The following SULF2 variants were observed in gnomAD, a reference collection of about 807,000 sequenced individuals.
SULF2 encodes sulfatase 2, also known as extracellular sulfatase Sulf-2.
In SULF2, 52 loss-of-function variants were observed where a neutral mutation model predicts 107.7. The observed-to-expected ratio is 0.48, with a 90% CI of 0.39 to 0.61. SULF2 has a LOEUF of 0.61. Ranked by LOEUF, SULF2 falls within the 20% of genes least tolerant of loss-of-function variation. SULF2 has a pLI of 0.00. For missense variants in SULF2, 993 were observed against 1,177.3 expected, an observed-to-expected ratio of 0.84 and a Z score of 2.29; for synonymous variants, 460 against 464.3, an observed-to-expected ratio of 0.99 and a Z score of 0.12.
chr20:47,739,591 C>T (rs2089829681), intron 2 of SULF2, among the ~76,000 whole-genome samples: 1 of 152,214 alleles, frequency 6.6e-6, no homozygotes, highest in African/African-American at 2.4e-5. Context: ...CCACCTCCCG[C>T]AACCCATAGC....
At chr20:47,785,271 T>TCCGGCCGCCGCGAGCCC (rs2090904639) in intron 1 of SULF2, 72 bp downstream of exon 1, 1 of 143,838 alleles carries the variant, frequency 7.0e-6, no homozygotes, top group Non-Finnish European at 1.5e-5. Context: ...CGGGGAAGGC[T>TCCGGCCGCCGCGAGCCC]CCGGCCGCCG....
intron 1 of SULF2, among the ~76,000 whole-genome samples, chr20:47,768,770 G>A (rs941267118): frequency 6.6e-6 from 1 of 152,188 alleles, no homozygotes; most frequent in Admixed American, 6.5e-5. Context: ...CCTGAAGCAG[G>A]CCCTGCTCGG....
intron 3 of SULF2, among the ~76,000 whole-genome samples, chr20:47,717,247 G>A (rs544556959): frequency 6.6e-6 from 1 of 152,308 alleles, no homozygotes; most frequent in South Asian, 2.1e-4. Context: ...ATCCCAGTGA[G>A]GTAGATCCTT....
chr20:47,753,401 T>G (rs1242100800), intron 2 of SULF2, among the ~76,000 whole-genome samples: 1 of 152,220 alleles, frequency 6.6e-6, no homozygotes, highest in Non-Finnish European at 1.5e-5. Flanking sequence ...ATCCTGCTGA[T>G]GAGGCCAAGA....
Position 47,769,582 on chromosome 20 carries a change from C to T in SULF2, c.-100-12119G>A, listed in dbSNP as rs79541422. 5.4e-4 allele frequency among the ~76,000 whole-genome samples: 82 copies of T among 152,246 alleles called. No homozygotes were observed. In the East Asian group the frequency reaches 0.016, roughly 29 times the overall value. On this transcript the variant is annotated intron_variant, in intron 1 of 20. Transcript: ENST00000688720. ...TCTCTTGGTTGCCTGACGCCACGGC[C>T]CCAGCTCCTGGCAGAGCCGAGGTGC...
At position 47,747,018 on chromosome 20, in the gene SULF2, T is replaced by TATATACACAC. The variant is rs1232551264; in HGVS notation, c.176-10077_176-10076insGTGTGTATAT. 1.7e-3 allele frequency among the ~76,000 whole-genome samples: 125 copies of TATATACACAC among 75,072 alleles called. 1 individual carries two copies. The highest frequency in any genetic ancestry group is 4.9e-3 in the African/African-American group (119 of 24,492). 49.3% of individuals were successfully genotyped at this position (75,072 alleles called of 152,430 possible). A position where few individuals can be genotyped will look rare whatever the true frequency, so the allele number is the denominator to read the frequency against. ...AAATATATATATATATATATATATATACACACACACACACATAAAAAGGGA... is the reference window on the plus strand; with the variant it reads ...AAATATATATATATATATATATATATATATACACACACACACACACACACATAAAAAGGGA... On this transcript the variant is annotated intron_variant, in intron 2 of 20. Coordinates refer to ENST00000688720, the MANE Select transcript of SULF2 (RefSeq NM_001387048.1).
Position 47,669,654 on chromosome 20 carries a change from C to T in SULF2, c.1576+2544G>A, listed in dbSNP as rs375972183. Reference sequence around the variant, plus strand: ...GGGGCTGGAGTCCCCAAATCAGCCACGTGACCCAGTCTTTCCTGTCCATCA... The same window carrying T: ...GGGGCTGGAGTCCCCAAATCAGCCATGTGACCCAGTCTTTCCTGTCCATCA... On this transcript the variant is annotated intron_variant, in intron 11 of 20. Coordinates refer to ENST00000688720, the MANE Select transcript of SULF2 (RefSeq NM_001387048.1). 5.3e-5 allele frequency among the ~76,000 whole-genome samples: 8 copies of T among 152,148 alleles called. No individual in the cohort carries two copies. In the East Asian group the frequency reaches 5.8e-4, roughly 11 times the overall value.
intron 3 of SULF2, among the ~76,000 whole-genome samples, chr20:47,709,140 T>C (rs996452257): frequency 6.6e-6 from 1 of 152,270 alleles, no homozygotes; most frequent in South Asian, 2.1e-4. Flanking sequence ...GCCAAGAGAA[T>C]GAGCTGGAAT....
At chr20:47,722,522 G>A (rs569514038) in intron 3 of SULF2, among the ~76,000 whole-genome samples, 2 of 152,126 alleles carry the variant, frequency 1.3e-5, no homozygotes, top group South Asian at 2.1e-4. Flanking sequence ...ACAGCCTCCC[G>A]AAGTGCTGGG....
chr20:47,664,941 C>T (rs1568781879), intron 14 of SULF2, among the ~76,000 whole-genome samples: 1 of 152,236 alleles, frequency 6.6e-6, no homozygotes. Context: ...ACTTTTCCGG[C>T]CTGGAGCCGG....
At chr20:47,740,818 C>T (rs562849895) in intron 2 of SULF2, among the ~76,000 whole-genome samples, 2 of 152,232 alleles carry the variant, frequency 1.3e-5, no homozygotes, top group Admixed American at 6.5e-5. Context: ...ACCCTGACAT[C>T]CATTGATGTC....
chr20:47,722,245 C>T (rs1439427709), intron 3 of SULF2, among the ~76,000 whole-genome samples: 1 of 152,092 alleles, frequency 6.6e-6, no homozygotes, highest in African/African-American at 2.4e-5. Flanking sequence ...AGCCTAAGGC[C>T]CAAGAGTTCT....
At chr20:47,772,198 C>T (rs148180220) in intron 1 of SULF2, among the ~76,000 whole-genome samples, 1 of 152,240 alleles carries the variant, frequency 6.6e-6, no homozygotes. Context: ...GGAACCAGCA[C>T]CCATTGCCAT....
chr20:47,697,670 G>C (rs1031545652), intron 4 of SULF2, among the ~76,000 whole-genome samples: 2 of 152,158 alleles, frequency 1.3e-5, no homozygotes, highest in Non-Finnish European at 2.9e-5. Flanking sequence ...CTGGTAACTG[G>C]GGGGCCAGGA....
intron 2 of SULF2, 45 bp downstream of exon 2, chr20:47,757,144 C>A: frequency 6.6e-7 from 1 of 1,505,042 alleles, no homozygotes; most frequent in South Asian, 1.3e-5. Flanking sequence ...CCCAGGGACC[C>A]TGCTCCGAGG....
At chr20:47,662,024 A>G in intron 17 of SULF2, 128 bp from the exon 18 acceptor site, 4 of 990,676 alleles carry the variant, frequency 4.0e-6, no homozygotes, top group Non-Finnish European at 5.4e-6. Context: ...TGACCTGTTT[A>G]CTCCAACTTC....
In SULF2 at chr20:47,678,384, GTTAGCA is replaced by G. The variant is rs1324449093; in HGVS notation, c.1193+286_1193+291del. 7.9e-6 allele frequency: 3 copies of G among 380,884 alleles called. No homozygotes were observed. The highest frequency in any genetic ancestry group is 1.5e-5 in the Non-Finnish European group (3 of 200,882). The allele number at this position is 380,884 out of a possible 1,614,324, so 23.6% of individuals were successfully genotyped here. A position where few individuals can be genotyped will look rare whatever the true frequency, so the allele number is the denominator to read the frequency against. Reference sequence around the variant, plus strand: ...GGGCCTCACACACAAGCGCCGTGCAGTTAGCACCATCTCCTACCATCACTGCTGCTA... The same window carrying G: ...GGGCCTCACACACAAGCGCCGTGCAGCCATCTCCTACCATCACTGCTGCTA... On this transcript the variant is annotated intron_variant, in intron 8 of 20. Transcript: ENST00000688720. The surrounding 1 kb of genome is among the most constrained non-coding windows in gnomAD (Gnocchi z 4.5).
chr20:47,722,789 G>A (rs1407515176), intron 3 of SULF2, among the ~76,000 whole-genome samples: 2 of 151,836 alleles, frequency 1.3e-5, no homozygotes, highest in African/African-American at 2.4e-5. Context: ...AAATTGGCTG[G>A]GTGCGGTGGC....
rs912967734 is a variant in SULF2 at position 47,678,839 on chromosome 20, C to T, written c.1065-35G>A. The stretch of plus-strand genomic sequence containing the variant: ...GCAGGAGATCGGGGACTCAGTCACT[C>T]AGGTGGTGGTGCCTCAGCCTCGCGT... On this transcript the variant is annotated intron_variant, in intron 7 of 20. Transcript: ENST00000688720. This position sits in a 1 kb window ranked among gnomAD's most constrained non-coding sequence, Gnocchi z 4.5. 8 of 1,604,392 alleles carry T rather than the reference C, an allele frequency of 5.0e-6. No individual in the cohort carries two copies. The highest frequency in any genetic ancestry group is 1.1e-5 in the South Asian group (1 of 90,740).
Sources: allele counts gnomAD v4.1 joint callset (sites outside exome capture counted in the v4.1 genomes callset), GRCh38; gene constraint gnomAD v4.1.1; non-coding constraint Gnocchi (gnomAD v3.1); transcripts MANE v1.5; gene names NCBI Gene and HGNC (gene_info 2026-07-23, HGNC 2026-07-21).